HMCN1: variants seen among roughly 807,000 people sequenced by gnomAD.
The protein encoded by HMCN1 is hemicentin-1.
A neutral mutation model predicts 625.9 loss-of-function variants in HMCN1; 321 were observed. That is an observed-to-expected ratio of 0.51 (90% confidence interval 0.47 to 0.56). The LOEUF is 0.56. HMCN1 is among the 20% of genes least tolerant of loss of function. HMCN1 has a pLI of 0.00. For synonymous variants in HMCN1, 2,425 were observed against 2,417.6 expected (o/e 1.00, Z -0.09); for missense variants, 6,588 against 6,887.3 (o/e 0.96, Z 1.54).
Position 186,067,987 on chromosome 1 carries a change from G to A in HMCN1, c.7859G>A (p.Arg2620Gln), listed in dbSNP as rs150883776. ...GATGGCACTCCTTTAGAATCTAACC[G>A]AAATATTCGTATTCTTCCAGGTAAT... ...FKDGTPLESN[R>Q]NIRILPGGRT... is the part of the protein sequence containing the mutation. The change falls in exon 50 of 107, where the codon CGA (arginine) becomes CAA (glutamine). Residue 2620 changes from arginine (R) to glutamine (Q), a missense_variant. Arg to Gln is a conservative substitution (Grantham distance 43, BLOSUM62 1). This residue lies in a region of HMCN1 where 4,628 missense variants were observed against 4,853.1 expected (regional missense o/e 0.95). Coordinates refer to ENST00000271588, the MANE Select transcript of HMCN1 (RefSeq NM_031935.3). 1.1e-4 allele frequency: 178 copies of A among 1,613,482 alleles called. 1 individual carries two copies. The highest frequency in any genetic ancestry group is 3.6e-4 in the African/African-American group (27 of 75,016).
In HMCN1 at chr1:186,084,718, A is replaced by G. The variant is rs568799113; in HGVS notation, c.8885-1528A>G. ...TCTTGCTCAGTAAAAGCTGAGCAAC[A>G]TATAACATATGTTATATGTCCTTGT... On this transcript the variant is annotated intron_variant, in intron 57 of 106. Coordinates refer to ENST00000271588, the MANE Select transcript of HMCN1 (RefSeq NM_031935.3). Among the ~76,000 whole-genome samples, 18 of 152,162 alleles carry G rather than the reference A, an allele frequency of 1.2e-4. No homozygotes were observed. The South Asian group carries it at 1.9e-3, about 16-fold the overall frequency.
intron 57 of HMCN1, among the ~76,000 whole-genome samples, chr1:186,083,569 T>G (rs1458548802): frequency 6.6e-6 from 1 of 150,914 alleles, no homozygotes; most frequent in Non-Finnish European, 1.5e-5. Flanking sequence ...GAGATGCTGG[T>G]GCCTCCAGAA....
intron 6 of HMCN1, among the ~76,000 whole-genome samples, chr1:185,913,013 T>A (rs1237558869): frequency 6.6e-6 from 1 of 151,968 alleles, no homozygotes; most frequent in Non-Finnish European, 1.5e-5. Context: ...TTCATGCCAG[T>A]CAGTTTTTTT....
At chr1:185,789,735 T>C (rs1657865714) in intron 1 of HMCN1, among the ~76,000 whole-genome samples, 2 of 152,234 alleles carry the variant, frequency 1.3e-5, no homozygotes, top group African/African-American at 4.8e-5. Flanking sequence ...TGATGATCTT[T>C]CTAGTGCCTC....
intron 1 of HMCN1, among the ~76,000 whole-genome samples, chr1:185,819,769 A>G (rs1660074238): frequency 6.6e-6 from 1 of 152,232 alleles, no homozygotes; most frequent in Admixed American, 6.5e-5. Context: ...TGAGGAGTCC[A>G]AAACAAATGA....
chr1:186,145,301 T>G, intron 91 of HMCN1, 102 bp from the exon 92 acceptor site: 1 of 1,212,922 alleles, frequency 8.2e-7, no homozygotes, highest in Non-Finnish European at 1.1e-6. Flanking sequence ...TTTTAGGTGC[T>G]GAGAAGAGAC....
intron 1 of HMCN1, among the ~76,000 whole-genome samples, chr1:185,829,400 G>A (rs924965311): frequency 1.3e-5 from 2 of 151,562 alleles, no homozygotes; most frequent in Non-Finnish European, 2.9e-5. Context: ...CTCTAAGTTC[G>A]CTCCCCTCAC....
chr1:186,097,516 T>G (rs1166690677), intron 68 of HMCN1, among the ~76,000 whole-genome samples: 4 of 150,494 alleles, frequency 2.7e-5, no homozygotes, highest in African/African-American at 9.8e-5. Context: ...AAAAAAAAGA[T>G]ATGTAAGAAT....
chr1:186,130,745 A>G lies in HMCN1; in HGVS notation c.13230+48A>G, dbSNP rs377061264. 1.9e-5 allele frequency: 28 copies of G among 1,507,278 alleles called. No individual in the cohort carries two copies. The East Asian group carries it at 2.9e-4, about 16-fold the overall frequency. 93.4% of individuals were successfully genotyped at this position (1,507,278 alleles called of 1,614,324 possible). ...ATGCACCTTTAAACCCCCACAGCCAATACCCCTCTGTGAGTGCCATAGATA... is the reference window on the plus strand; with the variant it reads ...ATGCACCTTTAAACCCCCACAGCCAGTACCCCTCTGTGAGTGCCATAGATA... On this transcript the variant is annotated intron_variant, in intron 85 of 106. Coordinates refer to ENST00000271588, the MANE Select transcript of HMCN1 (RefSeq NM_031935.3).
At chr1:186,176,702 C>T (rs1652602396) in intron 103 of HMCN1, 2 of 152,112 alleles carry the variant, frequency 1.3e-5, no homozygotes, top group African/African-American at 2.4e-5. Flanking sequence ...AATCACAAAA[C>T]AAATATACAA....
intron 29 of HMCN1, among the ~76,000 whole-genome samples, chr1:186,005,149 G>A (rs1397417201): frequency 6.8e-6 from 1 of 147,570 alleles, no homozygotes; most frequent in African/African-American, 2.5e-5. Context: ...GTTTATAAAT[G>A]TTTATAAACA....
chr1:186,159,339 T>C (rs1439227903), intron 97 of HMCN1, among the ~76,000 whole-genome samples: 1 of 152,208 alleles, frequency 6.6e-6, no homozygotes, highest in Non-Finnish European at 1.5e-5. Flanking sequence ...TGGGGTTTTC[T>C]AGATGTACAA....
At chr1:186,067,355 C>A (rs1405946933) in intron 49 of HMCN1, among the ~76,000 whole-genome samples, 1 of 152,154 alleles carries the variant, frequency 6.6e-6, no homozygotes, top group Non-Finnish European at 1.5e-5. Context: ...TCCCGATATA[C>A]CCTGCTTGCC....
intron 89 of HMCN1, among the ~76,000 whole-genome samples, chr1:186,139,455 A>G (rs7552198): frequency 0.43 from 65,005 of 152,036 alleles, 14,728 homozygotes; most frequent in East Asian, 0.58. Context: ...TTTGTCATCT[A>G]TAATAACTAT....
chr1:185,741,672 A>G (rs530662703), intron 1 of HMCN1, among the ~76,000 whole-genome samples: 1 of 151,900 alleles, frequency 6.6e-6, no homozygotes, highest in Non-Finnish European at 1.5e-5. Flanking sequence ...ATGTTATCCT[A>G]GAAGTCAAGA....
intron 81 of HMCN1, among the ~76,000 whole-genome samples, chr1:186,124,001 T>C (rs1333085932): frequency 6.6e-6 from 1 of 152,120 alleles, no homozygotes; most frequent in African/African-American, 2.4e-5. Flanking sequence ...AAATTAAAAA[T>C]CATCATTTAT....
At chr1:186,129,041 T>C (rs1661789938) in intron 83 of HMCN1, among the ~76,000 whole-genome samples, 1 of 152,080 alleles carries the variant, frequency 6.6e-6, no homozygotes, top group African/African-American at 2.4e-5. Context: ...TCAACTGCAT[T>C]ACCTTAATAA....
chr1:186,125,695 A>G lies in HMCN1; in HGVS notation c.12591A>G (p.Thr4197=). The G allele has an allele frequency of 6.2e-7, 1 of 1,612,990 alleles. No homozygotes were observed. The highest frequency in any genetic ancestry group is 1.1e-5 in the South Asian group (1 of 91,060). ...CATGCGTAGCTGATGGAATCCCCAC[A>G]CCAGCAATTAACTGGAAAAAAGACA... ...ILPCVADGIP[T]PAINWKKDNV... The change falls in exon 82 of 107, where the codon ACA becomes ACG. Residue 4197 remains threonine (T), a synonymous_variant. Transcript: ENST00000271588.
intron 41 of HMCN1, 104 bp from the exon 42 acceptor site, chr1:186,048,639 G>T (rs1438322968): frequency 2.3e-5 from 17 of 750,084 alleles, no homozygotes; most frequent in Non-Finnish European, 4.0e-5. Flanking sequence ...TTATATGTAT[G>T]TGAATCTTCA....
Sources: gnomAD v4.1 joint callset for allele counts (sites outside exome capture counted in the v4.1 genomes callset) on GRCh38, gnomAD v4.1.1 for gene constraint, gnomAD v4.1.1 regional missense constraint, MANE v1.5 for transcripts, NCBI Gene and HGNC (gene_info 2026-07-23, HGNC 2026-07-21) for gene names.